The following CSMD1 variants were observed in gnomAD, a reference collection of about 807,000 sequenced individuals.
CSMD1 encodes CUB and Sushi multiple domains 1.
CSMD1 carries 213 observed loss-of-function variants against 417.5 expected under a neutral mutation model. That is an observed-to-expected ratio of 0.51 (90% CI 0.46 to 0.57). The LOEUF is 0.57. CSMD1 is among the 20% of genes least tolerant of loss of function. CSMD1 has a pLI of 0.00. For synonymous variants in CSMD1, 2,862 were observed against 1,736.8 expected, an observed-to-expected ratio of 1.65 and a Z score of -16.11; for missense variants, 6,923 against 4,529.7, an observed-to-expected ratio of 1.53 and a Z score of -15.17.
chr8:4,307,034 C>G (rs1022942662), intron 3 of CSMD1, among the ~76,000 whole-genome samples: 16 of 152,220 alleles, frequency 1.1e-4, no homozygotes, highest in Middle Eastern at 3.4e-3. Flanking sequence ...GCACCATGTC[C>G]ACTGTGGGGT....
intron 1 of CSMD1, among the ~76,000 whole-genome samples, chr8:4,958,354 G>T (rs1024511026): frequency 2.6e-5 from 4 of 152,010 alleles, no homozygotes; most frequent in Non-Finnish European, 4.4e-5. Context: ...GGTGAACATG[G>T]TTGATCTTTA....
At chr8:4,668,418 T>TATTA (rs1262114544) in intron 1 of CSMD1, among the ~76,000 whole-genome samples, 1 of 89,034 alleles carries the variant, frequency 1.1e-5, no homozygotes, top group Non-Finnish European at 2.3e-5. Flanking sequence ...TGTTTTCCAT[T>TATTA]ATTATTATTA....
chr8:3,518,666 G>A (rs766130834), intron 10 of CSMD1, among the ~76,000 whole-genome samples: 10 of 152,090 alleles, frequency 6.6e-5, no homozygotes, highest in Non-Finnish European at 1.3e-4. Flanking sequence ...AAACAAATGA[G>A]AAACAACTAA....
intron 6 of CSMD1, among the ~76,000 whole-genome samples, chr8:3,722,915 G>GTA (rs1339312582): frequency 1.3e-5 from 2 of 151,750 alleles, no homozygotes; most frequent in Non-Finnish European, 2.9e-5. Flanking sequence ...GCAAACTATT[G>GTA]TGTGTGTGCC....
chr8:4,266,329 G>C (rs141639779), intron 3 of CSMD1, among the ~76,000 whole-genome samples: 1 of 104,756 alleles, frequency 9.5e-6, no homozygotes, highest in African/African-American at 2.6e-5. Context: ...AGAAACAGTT[G>C]ATTTTGGAGA....
At chr8:4,418,090 G>C (rs1220852979) in intron 3 of CSMD1, among the ~76,000 whole-genome samples, 2 of 151,768 alleles carry the variant, frequency 1.3e-5, no homozygotes, top group South Asian at 2.1e-4. Context: ...CTAAATACTA[G>C]ATACAATTTT....
intron 3 of CSMD1, among the ~76,000 whole-genome samples, chr8:4,383,176 G>A (rs961607864): frequency 6.6e-6 from 1 of 152,148 alleles, no homozygotes; most frequent in Non-Finnish European, 1.5e-5. Context: ...AGCTCCAGAT[G>A]ACATTCAGAA....
At chr8:3,379,128 G>C (rs948308884) in intron 18 of CSMD1, among the ~76,000 whole-genome samples, 1 of 152,116 alleles carries the variant, frequency 6.6e-6, no homozygotes, top group Non-Finnish European at 1.5e-5. Flanking sequence ...GCCAAATCAA[G>C]AATGAACTCC....
Position 3,968,110 on chromosome 8 carries a change from C to G in CSMD1, c.818+29793G>C, listed in dbSNP as rs538293523. Among the ~76,000 whole-genome samples, 4 of 151,750 alleles carry G rather than the reference C, an allele frequency of 2.6e-5. No homozygotes were observed. In the South Asian group the frequency reaches 8.3e-4, roughly 32 times the overall value. On this transcript the variant is annotated intron_variant, in intron 5 of 69. Transcript: ENST00000635120. Reference sequence around the variant, plus strand: ...GCTGAGGCAGGAGAATGGCGTGAACCCGGGAGGCAGAGCTTGCAGTGAGCC... The same window carrying G: ...GCTGAGGCAGGAGAATGGCGTGAACGCGGGAGGCAGAGCTTGCAGTGAGCC...
chr8:4,562,201 C>G (rs1018733561), intron 2 of CSMD1, among the ~76,000 whole-genome samples: 1 of 152,164 alleles, frequency 6.6e-6, no homozygotes, highest in Admixed American at 6.5e-5. Flanking sequence ...GAAACAGACA[C>G]TTGAGCCAAG....
chr8:3,862,231 C>T (rs950906800), intron 5 of CSMD1, among the ~76,000 whole-genome samples: 1 of 152,164 alleles, frequency 6.6e-6, no homozygotes, highest in Non-Finnish European at 1.5e-5. Context: ...CTGCCTTAAC[C>T]TACCTCATAC....
At position 4,300,780 on chromosome 8, in the gene CSMD1, C is replaced by T. The variant is rs140752640; in HGVS notation, c.415+119173G>A. Among the ~76,000 whole-genome samples, 666 of 152,226 alleles carry T rather than the reference C, an allele frequency of 4.4e-3. 2 individuals are homozygous for T. The highest frequency in any genetic ancestry group is 0.015 in the African/African-American group (634 of 41,520). On this transcript the variant is annotated intron_variant, in intron 3 of 69. Transcript: ENST00000635120. ...ATTCCTCCCTATGGGTGAGAACATG[C>T]AGTGTTTGGTTTTTTGTCCTGGCAA...
intron 3 of CSMD1, among the ~76,000 whole-genome samples, chr8:4,323,484 C>A: frequency 1.2e-5 from 1 of 81,728 alleles, no homozygotes; most frequent in South Asian, 2.9e-4. Context: ...GGGACTAGGG[C>A]TTTCTCTGAA....
At chr8:3,230,834 A>T (rs1205087706) in intron 26 of CSMD1, among the ~76,000 whole-genome samples, 1 of 152,174 alleles carries the variant, frequency 6.6e-6, no homozygotes. Flanking sequence ...GGCCACCCTA[A>T]TATTAACAAA....
chr8:4,988,876 C>T (rs1404767276), intron 1 of CSMD1, among the ~76,000 whole-genome samples: 1 of 152,040 alleles, frequency 6.6e-6, no homozygotes. Context: ...TATAATCAGT[C>T]AATTTCAGCT....
In CSMD1 at chr8:4,215,523, C is replaced by T. The variant is rs551476922; in HGVS notation, c.416-183424G>A. ...ACATAGAGAGTTTTTTTTTTTTCTT[C>T]CAGAGACCAGGATCCTTTACATTGT... On this transcript the variant is annotated intron_variant, in intron 3 of 69. Coordinates refer to ENST00000635120, the MANE Select transcript of CSMD1 (RefSeq NM_033225.6). 3.4e-5 allele frequency among the ~76,000 whole-genome samples: 5 copies of T among 149,096 alleles called. No individual in the cohort carries two copies. In the East Asian group the frequency reaches 9.9e-4, roughly 30 times the overall value.
chr8:4,622,837 A>C (rs1410875903), intron 2 of CSMD1, among the ~76,000 whole-genome samples: 1 of 152,176 alleles, frequency 6.6e-6, no homozygotes, highest in Non-Finnish European at 1.5e-5. Flanking sequence ...CTCTTTGCAG[A>C]TGACATGGTT....
intron 3 of CSMD1, among the ~76,000 whole-genome samples, chr8:4,268,482 C>G (rs1585128382): frequency 6.6e-6 from 1 of 152,088 alleles, no homozygotes; most frequent in South Asian, 2.1e-4. Context: ...GCTTACGTTT[C>G]TAAGTATTTT....
At chr8:4,103,068 G>C (rs1286838044) in intron 3 of CSMD1, among the ~76,000 whole-genome samples, 1 of 152,044 alleles carries the variant, frequency 6.6e-6, no homozygotes, top group Admixed American at 6.6e-5. Flanking sequence ...ACATGGTTGT[G>C]CCCTTGGTTT....
Sources: gnomAD v4.1 joint callset for allele counts (sites outside exome capture counted in the v4.1 genomes callset) on GRCh38, gnomAD v4.1.1 for gene constraint, MANE v1.5 for transcripts, NCBI Gene and HGNC (gene_info 2026-07-23, HGNC 2026-07-21) for gene names.